COL8A1: variants seen among roughly 807,000 people sequenced by gnomAD.
The protein encoded by COL8A1 is collagen type VIII alpha 1 chain, also known as collagen alpha-1(VIII) chain.
COL8A1 carries 21 observed loss-of-function variants against 42.7 expected under a neutral mutation model. The observed-to-expected ratio is 0.49, with a 90% CI of 0.35 to 0.71. The LOEUF (loss-of-function observed/expected upper bound fraction) is 0.71. COL8A1 is among the 30% of genes least tolerant of loss of function. The pLI is 0.01. For missense variants in COL8A1, 788 were observed against 962.4 expected, an observed-to-expected ratio of 0.82 and a Z score of 2.40; for synonymous variants, 367 against 369.1, an observed-to-expected ratio of 0.99 and a Z score of 0.06.
At chr3:99,769,977 T>A (rs770011543) in intron 2 of COL8A1, among the ~76,000 whole-genome samples, 3 of 152,176 alleles carry the variant, frequency 2.0e-5, no homozygotes, top group Non-Finnish European at 4.4e-5. Context: ...TTGTTTTGAT[T>A]CAAGCTTCTA....
chr3:99,692,791 A>G (rs1939258275), intron 1 of COL8A1, among the ~76,000 whole-genome samples: 2 of 152,248 alleles, frequency 1.3e-5, no homozygotes, highest in Non-Finnish European at 2.9e-5. Flanking sequence ...TTGTAACATC[A>G]TAACACAACA....
At chr3:99,674,835 T>C (rs969629209) in intron 1 of COL8A1, among the ~76,000 whole-genome samples, 1 of 152,120 alleles carries the variant, frequency 6.6e-6, no homozygotes, top group African/African-American at 2.4e-5. Context: ...AATGATAAAG[T>C]AATAGTGATC....
At chr3:99,728,502 G>A (rs1940403954) in intron 1 of COL8A1, among the ~76,000 whole-genome samples, 1 of 151,908 alleles carries the variant, frequency 6.6e-6, no homozygotes, top group Non-Finnish European at 1.5e-5. Context: ...ATTTTACAGA[G>A]CATCATTTTA....
At chr3:99,767,389 T>C (rs1334775691) in intron 2 of COL8A1, among the ~76,000 whole-genome samples, 7 of 152,254 alleles carry the variant, frequency 4.6e-5, no homozygotes, top group Non-Finnish European at 8.8e-5. Flanking sequence ...AGGAGAACTC[T>C]ACAACAATGT....
At chr3:99,663,910 C>A (rs918380875) in intron 1 of COL8A1, among the ~76,000 whole-genome samples, 1 of 151,918 alleles carries the variant, frequency 6.6e-6, no homozygotes, top group African/African-American at 2.4e-5. Context: ...TATGTCCTGC[C>A]CTACCACTAA....
intron 1 of COL8A1, among the ~76,000 whole-genome samples, chr3:99,676,781 T>C (rs904397272): frequency 6.6e-6 from 1 of 152,142 alleles, no homozygotes; most frequent in Non-Finnish European, 1.5e-5. Context: ...TTTCATTATT[T>C]ATTGTTAGAA....
chr3:99,684,094 T>C (rs1938975410), intron 1 of COL8A1, among the ~76,000 whole-genome samples: 1 of 152,108 alleles, frequency 6.6e-6, no homozygotes, highest in Admixed American at 6.5e-5. Context: ...GGGTCTGAAA[T>C]CCCATGATGT....
chr3:99,725,127 G>A (rs1940267992), intron 1 of COL8A1, among the ~76,000 whole-genome samples: 4 of 151,976 alleles, frequency 2.6e-5, no homozygotes, highest in African/African-American at 9.7e-5. Flanking sequence ...GCAATTCTGG[G>A]GGGAGTGCTC....
At chr3:99,644,860 G>C (rs142792289) in intron 1 of COL8A1, among the ~76,000 whole-genome samples, 42 of 152,300 alleles carry the variant, frequency 2.8e-4, no homozygotes, top group African/African-American at 9.1e-4. Context: ...CATGTATCTA[G>C]CCTATTGGGG....
rs1361452902 is a variant in COL8A1, at chr3:99,793,783, G to A, written c.329-447G>A. Among the ~76,000 whole-genome samples the A allele has an allele frequency of 4.6e-5, 7 of 151,836 alleles. No homozygotes were observed. In the East Asian group the frequency reaches 7.7e-4, roughly 17 times the overall value. On this transcript the variant is annotated intron_variant, in intron 3 of 3. Transcript: ENST00000652472. ...TTTTTCCTTTTGGAGATGGAGTTTC[G>A]CTCTTTCACCCAGGCTGGAGTGCAG... is the stretch of plus-strand genomic sequence containing the variant.
At chr3:99,683,412 G>A (rs1938949837) in intron 1 of COL8A1, among the ~76,000 whole-genome samples, 1 of 152,046 alleles carries the variant, frequency 6.6e-6, no homozygotes, top group Non-Finnish European at 1.5e-5. Context: ...TATATAAACT[G>A]GAACTTATTT....
intron 1 of COL8A1, among the ~76,000 whole-genome samples, chr3:99,653,836 G>A (rs1937928767): frequency 6.6e-6 from 1 of 151,904 alleles, no homozygotes; most frequent in African/African-American, 2.4e-5. Context: ...CAGAGTCCTT[G>A]TATTAGTCAG....
intron 3 of COL8A1, among the ~76,000 whole-genome samples, chr3:99,792,514 C>G (rs1033994535): frequency 6.6e-6 from 1 of 152,216 alleles, no homozygotes; most frequent in African/African-American, 2.4e-5. Context: ...ATTATAACAG[C>G]ACGTGCTGTG....
chr3:99,755,912 G>A (rs1361886092), intron 2 of COL8A1, among the ~76,000 whole-genome samples: 1 of 152,064 alleles, frequency 6.6e-6, no homozygotes, highest in Non-Finnish European at 1.5e-5. Context: ...GCCACAGGTG[G>A]ATTTTGAACA....
At chr3:99,644,338 T>G (rs898416070) in intron 1 of COL8A1, among the ~76,000 whole-genome samples, 1 of 152,190 alleles carries the variant, frequency 6.6e-6, no homozygotes, top group African/African-American at 2.4e-5. Context: ...TAGACTTGAC[T>G]CTGACCCAGG....
At chr3:99,735,057 T>C (rs570416747) in intron 1 of COL8A1, among the ~76,000 whole-genome samples, 1,737 of 150,960 alleles carry the variant, frequency 0.012, 23 homozygotes, top group African/African-American at 0.04. Context: ...TGGGCTGAGA[T>C]AATGGGGTTT....
chr3:99,702,215 A>G (rs1276157756), intron 1 of COL8A1, among the ~76,000 whole-genome samples: 1 of 152,210 alleles, frequency 6.6e-6, no homozygotes, highest in Non-Finnish European at 1.5e-5. Context: ...AAAGTCATTA[A>G]CAAACAACTC....
At chr3:99,744,113 G>A (rs974596491) in intron 1 of COL8A1, among the ~76,000 whole-genome samples, 3 of 152,008 alleles carry the variant, frequency 2.0e-5, no homozygotes, top group Non-Finnish European at 4.4e-5. Context: ...TATTTTTTTA[G>A]TAGAGACGGG....
intron 1 of COL8A1, among the ~76,000 whole-genome samples, chr3:99,730,413 A>G (rs1940467685): frequency 6.6e-6 from 1 of 152,136 alleles, no homozygotes; most frequent in South Asian, 2.1e-4. Context: ...ATGTTATGAC[A>G]TATCTGTAAA....
Sources: allele counts gnomAD v4.1 joint callset (sites outside exome capture counted in the v4.1 genomes callset), GRCh38; gene constraint gnomAD v4.1.1; transcripts MANE v1.5; gene names NCBI Gene and HGNC (gene_info 2026-07-23, HGNC 2026-07-21).